Variants in RBBP4 observed in about 807,000 individuals in gnomAD.
RBBP4 encodes the protein RB binding protein 4, chromatin remodeling factor.
In RBBP4, 3 loss-of-function variants were observed where a neutral mutation model predicts 57.2. That is an observed-to-expected ratio of 0.05 (90% CI 0.02 to 0.14). The LOEUF (loss-of-function observed/expected upper bound fraction) is 0.14. RBBP4 is among the 10% of genes least tolerant of loss of function. RBBP4 has a pLI of 1.00. For missense variants in RBBP4, 107 were observed against 520.6 expected, an observed-to-expected ratio of 0.21 and a Z score of 7.73; for synonymous variants, 151 against 171.5, an observed-to-expected ratio of 0.88 and a Z score of 0.93.
At chr1:32,665,906 T>C (rs1164379547) in intron 3 of RBBP4, among the ~76,000 whole-genome samples, 1 of 152,206 alleles carries the variant, frequency 6.6e-6, no homozygotes, top group African/African-American at 2.4e-5. Context: ...TGCCTTCTAT[T>C]ATTCTTTGAT....
At chr1:32,665,758 T>A (rs1648618242) in intron 3 of RBBP4, among the ~76,000 whole-genome samples, 1 of 151,894 alleles carries the variant, frequency 6.6e-6, no homozygotes, top group Non-Finnish European at 1.5e-5. Context: ...TCTCACAACT[T>A]CTTTGCTTTG....
chr1:32,669,636 A>G lies in RBBP4; in HGVS notation c.966+73A>G, dbSNP rs1331623561. On this transcript the variant is annotated intron_variant, in intron 8 of 11. Transcript: ENST00000373493. This position sits in a 1 kb window ranked among gnomAD's most constrained non-coding sequence, Gnocchi z 4.9. Reference sequence around the variant, plus strand: ...CTGGGCGCGGTCGCTCACGCCTGTAATCCCAGCACTTTGGGAGGCTGAAGC... The same window carrying G: ...CTGGGCGCGGTCGCTCACGCCTGTAGTCCCAGCACTTTGGGAGGCTGAAGC... 2.0e-6 allele frequency: 3 copies of G among 1,519,282 alleles called. No individual in the cohort carries two copies. The highest frequency in any genetic ancestry group is 2.6e-5 in the South Asian group (2 of 75,504). The allele number at this position is 1,519,282 out of a possible 1,614,324, so 94.1% of individuals were successfully genotyped here.
intron 3 of RBBP4, among the ~76,000 whole-genome samples, chr1:32,660,503 G>A (rs1411348036): frequency 3.3e-5 from 5 of 151,472 alleles, no homozygotes; most frequent in African/African-American, 4.9e-5. Context: ...TGCAACCTCC[G>A]TCTCCCAGAT....
chr1:32,674,012 A>G (rs564963585), intron 11 of RBBP4, among the ~76,000 whole-genome samples: 2 of 152,176 alleles, frequency 1.3e-5, no homozygotes, highest in South Asian at 4.2e-4. Flanking sequence ...GAGGCAGGAA[A>G]ATGGCGTGAA....
chr1:32,651,282 G>A lies in RBBP4; in HGVS notation c.-25G>A. The A allele has an allele frequency of 6.7e-7, 1 of 1,492,964 alleles. No individual in the cohort carries two copies. The allele number at this position is 1,492,964 out of a possible 1,614,324, so 92.5% of individuals were successfully genotyped here. On this transcript the variant is annotated 5_prime_UTR_variant, in exon 1 of 12. Coordinates refer to ENST00000373493, the MANE Select transcript of RBBP4 (RefSeq NM_005610.3). ...CCCCTCCCGCAACGCTCGACCCCAG[G>A]ATTCCCCCGGCTCGCCTGCCCGCCA... is the stretch of plus-strand genomic sequence containing the variant.
chr1:32,657,181 C>A (rs1648180832), intron 2 of RBBP4, among the ~76,000 whole-genome samples: 1 of 152,124 alleles, frequency 6.6e-6, no homozygotes, highest in South Asian at 2.1e-4. Flanking sequence ...GAGGCTGAGG[C>A]ATGAGAATCG....
chr1:32,670,559 A>AT (rs1227059585), intron 8 of RBBP4, among the ~76,000 whole-genome samples: 4 of 43,050 alleles, frequency 9.3e-5, no homozygotes, highest in Non-Finnish European at 3.2e-4. Flanking sequence ...GGAGCCCCCA[A>AT]TTTTTTTATT....
rs1419314891 is a variant in RBBP4 at position 32,680,896 on chromosome 1, GTCTA to G, written c.*1195_*1198del. 1.2e-5 allele frequency: 3 copies of G among 242,672 alleles called. No individual in the cohort carries two copies. The highest frequency in any genetic ancestry group is 2.4e-5 in the Non-Finnish European group (3 of 127,498). 15.0% of individuals were successfully genotyped at this position (242,672 alleles called of 1,614,324 possible). On this transcript the variant is annotated 3_prime_UTR_variant, in exon 12 of 12. Transcript: ENST00000373493. The stretch of plus-strand genomic sequence containing the variant: ...TTTGATAAGGTAACGTTTCTTTGAA[GTCTA>G]TCTGTAGAGAACTACATGGACTTCC...
chr1:32,685,728 C>CGTT lies in RBBP4; in HGVS notation c.*6025_*6027dup, dbSNP rs1649779854. The stretch of plus-strand genomic sequence containing the variant: ...CTCAGTCCTCACTACCTACCAGACC[C>CGTT]GTTGGTAAGGTACAAAAGTACATGC... On this transcript the variant is annotated 3_prime_UTR_variant, in exon 12 of 12. Transcript: ENST00000373493. 1 of 152,152 alleles carries CGTT rather than the reference C, an allele frequency of 6.6e-6. No individual in the cohort carries two copies. Among genetic ancestry groups the CGTT allele is most frequent in the African/African-American group, 2.4e-5 (1 of 41,426 alleles). 9.4% of individuals were successfully genotyped at this position (152,152 alleles called of 1,614,324 possible).
chr1:32,659,034 ATGTAT>A (rs1185325196), intron 3 of RBBP4, among the ~76,000 whole-genome samples: 43 of 147,376 alleles, frequency 2.9e-4, no homozygotes, highest in African/African-American at 9.6e-4. Context: ...GATAATATAA[ATGTAT>A]TATATTTATA....
At chr1:32,666,109 A>G (rs1048934751) in intron 3 of RBBP4, among the ~76,000 whole-genome samples, 2 of 152,160 alleles carry the variant, frequency 1.3e-5, no homozygotes, top group Non-Finnish European at 2.9e-5. Flanking sequence ...TGGCATGTGT[A>G]AGTGGGTGTA....
chr1:32,681,819 G>A lies in RBBP4; in HGVS notation c.*2114G>A, dbSNP rs1338183304. On this transcript the variant is annotated 3_prime_UTR_variant, in exon 12 of 12. Coordinates refer to ENST00000373493, the MANE Select transcript of RBBP4 (RefSeq NM_005610.3). Reference sequence around the variant, plus strand: ...ATCCTTTGCTAAGAAGTTTTTTGCTGTTTCCGGGTTACAGATTTGGCCATA... The same window carrying A: ...ATCCTTTGCTAAGAAGTTTTTTGCTATTTCCGGGTTACAGATTTGGCCATA... The A allele has an allele frequency of 1.9e-6, 3 of 1,614,130 alleles. No individual in the cohort carries two copies. The highest frequency in any genetic ancestry group is 1.1e-5 in the South Asian group (1 of 91,084).
At chr1:32,654,648 A>G (rs1268045320) in intron 2 of RBBP4, among the ~76,000 whole-genome samples, 2 of 152,214 alleles carry the variant, frequency 1.3e-5, no homozygotes, top group Non-Finnish European at 2.9e-5. Context: ...AGTTTTCTGC[A>G]TTAGCAAATC....
At chr1:32,673,602 T>G (rs946931663) in intron 11 of RBBP4, 1 of 282,104 alleles carries the variant, frequency 3.5e-6, no homozygotes, top group Non-Finnish European at 7.0e-6. Context: ...CATGCCTGGC[T>G]AATTTTTTTG....
chr1:32,662,755 G>A (rs1648479911), intron 3 of RBBP4, among the ~76,000 whole-genome samples: 1 of 151,776 alleles, frequency 6.6e-6, no homozygotes, highest in African/African-American at 2.4e-5. Flanking sequence ...GGAGGCCGAG[G>A]CTTATGGATC....
In RBBP4 at chr1:32,680,381, TGGGAC is replaced by T; in HGVS notation, c.*677_*681del. 1 of 1,187,046 alleles carries T rather than the reference TGGGAC, an allele frequency of 8.4e-7. No individual in the cohort carries two copies. The highest frequency in any genetic ancestry group is 1.1e-6 in the Non-Finnish European group (1 of 948,772). The allele number at this position is 1,187,046 out of a possible 1,614,324, so 73.5% of individuals were successfully genotyped here. ...GGTTTTTTTTTTTTTTTTTTTAACT[TGGGAC>T]CACCAAGTTGTAAAGATGTATGTTT... On this transcript the variant is annotated 3_prime_UTR_variant, in exon 12 of 12. Transcript: ENST00000373493.
intron 2 of RBBP4, among the ~76,000 whole-genome samples, chr1:32,654,415 G>A (rs1017468734): frequency 6.6e-6 from 1 of 152,154 alleles, no homozygotes; most frequent in Non-Finnish European, 1.5e-5. Context: ...TTAATGAGAA[G>A]TGTACTGGAA....
chr1:32,651,623 A>G (rs1647677806), intron 1 of RBBP4: 1 of 817,168 alleles, frequency 1.2e-6, no homozygotes, highest in African/African-American at 1.7e-5. Context: ...CCTACCCACA[A>G]GGCTCGGAGC....
At chr1:32,677,525 C>G (rs1197691946) in intron 11 of RBBP4, among the ~76,000 whole-genome samples, 1 of 151,580 alleles carries the variant, frequency 6.6e-6, no homozygotes, top group African/African-American at 2.4e-5. Context: ...AAAAAGCTTT[C>G]TTGGGTTCTG....
Sources: gnomAD v4.1 joint callset for allele counts (sites outside exome capture counted in the v4.1 genomes callset) on GRCh38, gnomAD v4.1.1 for gene constraint, Gnocchi (gnomAD v3.1) non-coding constraint, MANE v1.5 for transcripts, NCBI Gene and HGNC (gene_info 2026-07-23, HGNC 2026-07-21) for gene names.